MACROD2: variants seen among roughly 807,000 people sequenced by gnomAD.
MACROD2 encodes the protein ADP-ribose glycohydrolase MACROD2.
MACROD2 carries 36 observed loss-of-function variants against 70.4 expected under a neutral mutation model. The observed-to-expected ratio is 0.51, with a 90% confidence interval of 0.39 to 0.68. The LOEUF is 0.68. Among genes scored for constraint, MACROD2 ranks in the 30% least tolerant of loss-of-function variants. MACROD2 has a pLI of 0.00. For synonymous variants in MACROD2, 172 were observed against 178.8 expected, an observed-to-expected ratio of 0.96 and a Z score of 0.30; for missense variants, 496 against 538.4, an observed-to-expected ratio of 0.92 and a Z score of 0.78.
intron 8 of MACROD2, among the ~76,000 whole-genome samples, chr20:15,777,447 T>G (rs893194650): frequency 3.3e-5 from 5 of 152,046 alleles, no homozygotes; most frequent in Non-Finnish European, 5.9e-5. Flanking sequence ...TGTTTTTTTT[T>G]TTTCATCACA....
chr20:15,128,837 G>T, intron 5 of MACROD2, among the ~76,000 whole-genome samples: 1 of 77,320 alleles, frequency 1.3e-5, no homozygotes, highest in Non-Finnish European at 2.7e-5. Flanking sequence ...TCTGGGGTTT[G>T]TGTTTTGTTT....
In MACROD2 at chr20:16,052,130, T is replaced by A. The variant is rs1331606652; in HGVS notation, c.*2254T>A. 6.6e-6 allele frequency: 1 copy of A among 152,268 alleles called. No individual in the cohort carries two copies. The highest frequency in any genetic ancestry group is 1.5e-5 in the Non-Finnish European group (1 of 68,048). 9.4% of individuals were successfully genotyped at this position (152,268 alleles called of 1,614,324 possible). ...CTTCAGCCCGACTCCTGAATTTGTT[T>A]ATTCTTCCATCTATAATTAGATTGT... is the stretch of plus-strand genomic sequence containing the variant. On this transcript the variant is annotated 3_prime_UTR_variant, in exon 18 of 18. Coordinates refer to ENST00000684519, the MANE Select transcript of MACROD2 (RefSeq NM_001351661.2).
At chr20:14,510,456 G>C (rs1458821344) in intron 4 of MACROD2, among the ~76,000 whole-genome samples, 1 of 151,974 alleles carries the variant, frequency 6.6e-6, no homozygotes, top group African/African-American at 2.4e-5. Context: ...CTTTCACAAG[G>C]AATTTCAGAT....
chr20:15,061,869 CTCTT>C (rs2075535500), intron 5 of MACROD2, among the ~76,000 whole-genome samples: 1 of 152,184 alleles, frequency 6.6e-6, no homozygotes, highest in Non-Finnish European at 1.5e-5. Flanking sequence ...GCCTGTCTCT[CTCTT>C]TCTAAGCCCA....
chr20:15,715,799 A>G (rs1474306365), intron 8 of MACROD2, among the ~76,000 whole-genome samples: 1 of 152,112 alleles, frequency 6.6e-6, no homozygotes, highest in African/African-American at 2.4e-5. Flanking sequence ...CCCTAATCGA[A>G]GTGTTTGATG....
chr20:14,266,361 C>A (rs13036276), intron 3 of MACROD2, among the ~76,000 whole-genome samples: 55,409 of 151,968 alleles, frequency 0.36, 12,149 homozygotes, highest in Non-Finnish European at 0.49. Context: ...AAAATCCCTA[C>A]TCTAAGCCTT....
intron 6 of MACROD2, among the ~76,000 whole-genome samples, chr20:15,245,749 G>T (rs1036025349): frequency 6.6e-6 from 1 of 152,146 alleles, no homozygotes; most frequent in Non-Finnish European, 1.5e-5. Context: ...TAATGTAAGT[G>T]TTCTGAGCAC....
intron 4 of MACROD2, among the ~76,000 whole-genome samples, chr20:14,544,857 T>G (rs1232483723): frequency 6.6e-6 from 1 of 152,084 alleles, no homozygotes; most frequent in Non-Finnish European, 1.5e-5. Flanking sequence ...GGCTACTCTG[T>G]GGGGGTATTA....
intron 3 of MACROD2, among the ~76,000 whole-genome samples, chr20:14,338,891 A>G (rs2082981940): frequency 6.6e-6 from 1 of 152,210 alleles, no homozygotes; most frequent in African/African-American, 2.4e-5. Flanking sequence ...TCCATCAAAT[A>G]AGTGTATTTC....
intron 8 of MACROD2, among the ~76,000 whole-genome samples, chr20:15,517,725 T>G (rs2047588652): frequency 1.3e-5 from 2 of 152,214 alleles, no homozygotes; most frequent in Admixed American, 1.3e-4. Context: ...CTGCAAAGAC[T>G]GACAGCAATG....
intron 2 of MACROD2, among the ~76,000 whole-genome samples, chr20:14,039,303 A>C (rs2053357123): frequency 6.6e-6 from 1 of 152,174 alleles, no homozygotes; most frequent in African/African-American, 2.4e-5. Context: ...TTATATTTGA[A>C]GTAAATTGGT....
At chr20:14,382,303 G>A (rs1287182795) in intron 3 of MACROD2, among the ~76,000 whole-genome samples, 1 of 150,460 alleles carries the variant, frequency 6.6e-6, no homozygotes, top group Non-Finnish European at 1.5e-5. Context: ...CTTGTGATCC[G>A]CCCGCCTTGG....
chr20:15,214,767 CTG>C (rs1273309833), intron 5 of MACROD2, among the ~76,000 whole-genome samples: 4 of 152,150 alleles, frequency 2.6e-5, no homozygotes, highest in African/African-American at 9.7e-5. Flanking sequence ...ACTCTCCTAA[CTG>C]TTGCTCCTTC....
At chr20:14,645,205 A>G (rs2123499148) in intron 4 of MACROD2, among the ~76,000 whole-genome samples, 1 of 152,262 alleles carries the variant, frequency 6.6e-6, no homozygotes, top group Non-Finnish European at 1.5e-5. Context: ...AAATGCATCT[A>G]TTTAAATTGA....
intron 8 of MACROD2, among the ~76,000 whole-genome samples, chr20:15,798,288 C>G (rs1162743376): frequency 1.3e-5 from 2 of 152,138 alleles, no homozygotes; most frequent in Non-Finnish European, 2.9e-5. Context: ...TGATTGGGTG[C>G]TTGGGGACTG....
Position 14,230,674 on chromosome 20 carries a change from TA to T in MACROD2, c.271+144947del, listed in dbSNP as rs1569217494. On this transcript the variant is annotated intron_variant, in intron 3 of 17. Transcript: ENST00000684519. ...ATATATAACACAGGCTGGGCCTATA[TA>T]TATATATATATATATATATATATAT... 4.8e-4 allele frequency among the ~76,000 whole-genome samples: 14 copies of T among 28,996 alleles called. 1 individual carries two copies. Among genetic ancestry groups the T allele is most frequent in the Non-Finnish European group, 1.0e-3 (13 of 12,970 alleles). 19.0% of individuals were successfully genotyped at this position (28,996 alleles called of 152,430 possible). A position where few individuals can be genotyped will look rare whatever the true frequency, so the allele number is the denominator to read the frequency against.
intron 3 of MACROD2, among the ~76,000 whole-genome samples, chr20:14,297,096 A>G (rs556041870): frequency 3.7e-4 from 56 of 151,986 alleles, no homozygotes; most frequent in African/African-American, 1.3e-3. Context: ...CTGAGCACAT[A>G]TAAGATGGCA....
intron 8 of MACROD2, among the ~76,000 whole-genome samples, chr20:15,817,774 A>G (rs1289467351): frequency 1.3e-5 from 2 of 152,108 alleles, no homozygotes; most frequent in East Asian, 3.9e-4. Flanking sequence ...TAAAGTCCAG[A>G]TGAAGGTTTT....
At chr20:14,778,562 C>A (rs1456366746) in intron 5 of MACROD2, among the ~76,000 whole-genome samples, 1 of 152,084 alleles carries the variant, frequency 6.6e-6, no homozygotes, top group Non-Finnish European at 1.5e-5. Flanking sequence ...TCTCAGCCAG[C>A]GGGGCAATGT....
Sources: allele counts gnomAD v4.1 joint callset (sites outside exome capture counted in the v4.1 genomes callset), GRCh38; gene constraint gnomAD v4.1.1; transcripts MANE v1.5; gene names NCBI Gene and HGNC (gene_info 2026-07-23, HGNC 2026-07-21).